CACNA2D3: variants seen among roughly 807,000 people sequenced by gnomAD.
CACNA2D3 encodes the protein calcium voltage-gated channel auxiliary subunit alpha2delta 3.
A neutral mutation model predicts 160.6 loss-of-function variants in CACNA2D3; 60 were observed. That is an observed-to-expected ratio of 0.37 (90% CI 0.30 to 0.46). The LOEUF (loss-of-function observed/expected upper bound fraction) is 0.46, where lower values mean the gene tolerates loss of function less well. CACNA2D3 is among the 20% of genes least tolerant of loss of function. The pLI is 1.00. For synonymous variants in CACNA2D3, 558 were observed against 492.9 expected (o/e 1.13, Z -1.75); for missense variants, 1,205 against 1,365.0 (o/e 0.88, Z 1.85).
chr3:54,626,665 A>C (rs867237193), intron 9 of CACNA2D3: 22 of 798,928 alleles, frequency 2.8e-5, no homozygotes, highest in Non-Finnish European at 4.3e-5. Context: ...CAGCTAATAA[A>C]GGCGCACATG....
intron 5 of CACNA2D3, among the ~76,000 whole-genome samples, chr3:54,554,868 C>CTTTTTTTTTTTTTTTTTTTTTTT (rs1248489904): frequency 1.1e-5 from 1 of 88,172 alleles, no homozygotes; most frequent in African/African-American, 5.0e-5. Flanking sequence ...CTCTCTCACT[C>CTTTTTTTTTTTTTTTTTTTTTTT]TCTTTTTTTT....
chr3:54,615,365 A>G (rs1259040906), intron 9 of CACNA2D3, among the ~76,000 whole-genome samples: 4 of 152,248 alleles, frequency 2.6e-5, no homozygotes, highest in Non-Finnish European at 5.9e-5. Flanking sequence ...AAACTGCTCA[A>G]TCTCACCATC....
chr3:54,528,366 C>T (rs1054346405), intron 5 of CACNA2D3, among the ~76,000 whole-genome samples: 1 of 151,956 alleles, frequency 6.6e-6, no homozygotes, highest in African/African-American at 2.4e-5. Context: ...TCAAATATAG[C>T]AATATGTAAC....
intron 4 of CACNA2D3, among the ~76,000 whole-genome samples, chr3:54,432,839 T>C (rs1700009215): frequency 1.3e-5 from 2 of 152,174 alleles, no homozygotes; most frequent in African/African-American, 4.8e-5. Flanking sequence ...CCTAATATGC[T>C]GTCTGCATTG....
chr3:54,543,155 C>A (rs954584796), intron 5 of CACNA2D3, among the ~76,000 whole-genome samples: 7 of 152,194 alleles, frequency 4.6e-5, no homozygotes, highest in Non-Finnish European at 1.0e-4. Context: ...GACCCTTTTA[C>A]TTCTCCCTAC....
chr3:54,125,373 A>G (rs906129278), intron 2 of CACNA2D3, among the ~76,000 whole-genome samples: 7 of 152,140 alleles, frequency 4.6e-5, no homozygotes, highest in African/African-American at 1.7e-4. Flanking sequence ...ATCCTTTCTG[A>G]TATTGAATTC....
intron 6 of CACNA2D3, among the ~76,000 whole-genome samples, chr3:54,563,509 T>C (rs1056789719): frequency 1.3e-5 from 2 of 152,196 alleles, no homozygotes; most frequent in Non-Finnish European, 2.9e-5. Flanking sequence ...TCAGAGGCTG[T>C]CCATCATGCC....
intron 14 of CACNA2D3, among the ~76,000 whole-genome samples, chr3:54,822,766 C>CTTTCTTTCTTTCTTTCT (rs1703643316): frequency 1.1e-5 from 1 of 87,632 alleles, no homozygotes; most frequent in African/African-American, 4.7e-5. Context: ...TTCTTTCTTT[C>CTTTCTTTCTTTCTTTCT]TTTCTTTCTT....
chr3:54,276,446 G>T (rs1268209432), intron 2 of CACNA2D3, among the ~76,000 whole-genome samples: 1 of 151,992 alleles, frequency 6.6e-6, no homozygotes, highest in Non-Finnish European at 1.5e-5. Flanking sequence ...GGTGGCATAC[G>T]CCTGTAATCT....
chr3:55,042,489 A>G (rs766725515), intron 35 of CACNA2D3, among the ~76,000 whole-genome samples: 5 of 152,160 alleles, frequency 3.3e-5, no homozygotes, highest in Non-Finnish European at 7.4e-5. Flanking sequence ...TAGAATTAGC[A>G]TGTTACATCT....
chr3:54,885,210 G>A, intron 21 of CACNA2D3, 71 bp from the exon 22 acceptor site: 3 of 1,547,672 alleles, frequency 1.9e-6, no homozygotes, highest in Non-Finnish European at 2.7e-6. Flanking sequence ...CCCTACCCTA[G>A]AATATTTGAA....
chr3:54,168,644 G>A (rs1469146335), intron 2 of CACNA2D3, among the ~76,000 whole-genome samples: 1 of 152,138 alleles, frequency 6.6e-6, no homozygotes, highest in Non-Finnish European at 1.5e-5. Context: ...TGTTACTGTG[G>A]TTGGCCTAGG....
intron 31 of CACNA2D3, among the ~76,000 whole-genome samples, chr3:54,999,947 C>G (rs1353859422): frequency 6.6e-6 from 1 of 152,160 alleles, no homozygotes; most frequent in East Asian, 1.9e-4. Context: ...TCTTCAGAGG[C>G]CGTATCTGCC....
chr3:54,744,292 T>G (rs143327228), intron 11 of CACNA2D3, among the ~76,000 whole-genome samples: 2 of 152,256 alleles, frequency 1.3e-5, no homozygotes, highest in East Asian at 3.9e-4. Context: ...CCATTTTGAT[T>G]TTGAGGAATT....
At chr3:54,576,388 T>G (rs1286799665) in intron 8 of CACNA2D3, among the ~76,000 whole-genome samples, 2 of 152,134 alleles carry the variant, frequency 1.3e-5, no homozygotes, top group Non-Finnish European at 2.9e-5. Flanking sequence ...TTGCATTGCT[T>G]TTAGATCCTT....
In CACNA2D3 at chr3:54,530,630, C is replaced by T. The variant is rs567846748; in HGVS notation, c.544+26976C>T. Among the ~76,000 whole-genome samples the T allele has an allele frequency of 3.9e-5, 6 of 152,288 alleles. No individual in the cohort carries two copies. In the South Asian group the frequency reaches 1.0e-3, roughly 26 times the overall value. Reference sequence around the variant, plus strand: ...TATACACCAGGCACTGGGCTAAGTGCTTTAAATATATTATCTCCTTCAGTT... The same window carrying T: ...TATACACCAGGCACTGGGCTAAGTGTTTTAAATATATTATCTCCTTCAGTT... On this transcript the variant is annotated intron_variant, in intron 5 of 37. Coordinates refer to ENST00000474759, the MANE Select transcript of CACNA2D3 (RefSeq NM_018398.3).
At chr3:54,475,592 A>G (rs1700814423) in intron 4 of CACNA2D3, among the ~76,000 whole-genome samples, 1 of 152,148 alleles carries the variant, frequency 6.6e-6, no homozygotes, top group Non-Finnish European at 1.5e-5. Flanking sequence ...CCTTCCCCCA[A>G]GATCAACTAT....
chr3:54,965,859 G>A (rs1304435219), intron 27 of CACNA2D3, among the ~76,000 whole-genome samples: 1 of 152,112 alleles, frequency 6.6e-6, no homozygotes, highest in African/African-American at 2.4e-5. Flanking sequence ...AGGGGTGTGA[G>A]TGAGGAGAGA....
intron 21 of CACNA2D3, among the ~76,000 whole-genome samples, chr3:54,883,752 G>A (rs1699855620): frequency 6.9e-6 from 1 of 145,066 alleles, no homozygotes; most frequent in East Asian, 2.1e-4. Context: ...CCTCATTCAG[G>A]TCACTTTCTC....
Sources: allele counts gnomAD v4.1 joint callset (sites outside exome capture counted in the v4.1 genomes callset), GRCh38; gene constraint gnomAD v4.1.1; transcripts MANE v1.5; gene names NCBI Gene and HGNC (gene_info 2026-07-23, HGNC 2026-07-21).